Variants in CRIM1 observed in about 807,000 individuals in gnomAD.
The protein encoded by CRIM1 is cysteine rich transmembrane BMP regulator 1.
In CRIM1, 32 loss-of-function variants were observed where a neutral mutation model predicts 116.4. The observed-to-expected ratio is 0.27, with a 90% CI of 0.21 to 0.37. The LOEUF (loss-of-function observed/expected upper bound fraction) is 0.37. CRIM1 is among the 10% of genes least tolerant of loss of function. CRIM1 has a pLI of 1.00. For missense variants in CRIM1, 1,331 were observed against 1,354.8 expected, an observed-to-expected ratio of 0.98 and a Z score of 0.28; for synonymous variants, 590 against 509.2, an observed-to-expected ratio of 1.16 and a Z score of -2.13.
intron 4 of CRIM1, among the ~76,000 whole-genome samples, chr2:36,450,484 C>CT (rs1330613702): frequency 6.6e-6 from 1 of 152,196 alleles, no homozygotes; most frequent in Non-Finnish European, 1.5e-5. Context: ...CTTTTCCTAA[C>CT]TTTATGATTG....
chr2:36,487,286 C>T (rs848541), intron 7 of CRIM1, among the ~76,000 whole-genome samples: 66,887 of 151,948 alleles, frequency 0.44, 17,236 homozygotes, highest in African/African-American at 0.71. Context: ...TTCCCACCAA[C>T]ACAAGGTCCC....
chr2:36,509,823 A>C (rs1681689915), intron 8 of CRIM1, among the ~76,000 whole-genome samples, 160 bp from the exon 9 acceptor site: 1 of 152,228 alleles, frequency 6.6e-6, no homozygotes, highest in Non-Finnish European at 1.5e-5. Flanking sequence ...ATAACCATGA[A>C]ATAGCACAGT....
chr2:36,522,905 C>G (rs1045002787), intron 13 of CRIM1, among the ~76,000 whole-genome samples: 1 of 151,530 alleles, frequency 6.6e-6, no homozygotes. Context: ...TTGGCCAGTT[C>G]AGGGTTTTCA....
chr2:36,446,708 A>C (rs1314637734), intron 4 of CRIM1, among the ~76,000 whole-genome samples: 1 of 152,118 alleles, frequency 6.6e-6, no homozygotes, highest in Non-Finnish European at 1.5e-5. Flanking sequence ...TTCTGTTGGC[A>C]TGAAGACATG....
chr2:36,430,079 C>T (rs981218405), intron 2 of CRIM1, among the ~76,000 whole-genome samples: 15 of 152,162 alleles, frequency 9.9e-5, no homozygotes, highest in African/African-American at 3.4e-4. Context: ...CAGCACATCC[C>T]GTCAGCCAGA....
chr2:36,488,277 G>C (rs1679978972), intron 7 of CRIM1, among the ~76,000 whole-genome samples: 1 of 152,200 alleles, frequency 6.6e-6, no homozygotes, highest in South Asian at 2.1e-4. Context: ...GGTTCAAAGA[G>C]GGGAAATGTC....
chr2:36,475,096 A>G (rs952198479), intron 5 of CRIM1, among the ~76,000 whole-genome samples: 1 of 152,150 alleles, frequency 6.6e-6, no homozygotes, highest in Non-Finnish European at 1.5e-5. Context: ...TTGCATTTTC[A>G]TATGAATTTT....
At chr2:36,515,226 T>G (rs1182131308) in intron 11 of CRIM1, among the ~76,000 whole-genome samples, 1 of 152,146 alleles carries the variant, frequency 6.6e-6, no homozygotes, top group Non-Finnish European at 1.5e-5. Flanking sequence ...AACAGCTAGA[T>G]TGGTAGAAAT....
intron 1 of CRIM1, among the ~76,000 whole-genome samples, chr2:36,357,060 G>A (rs1384248277): frequency 6.6e-6 from 1 of 152,190 alleles, no homozygotes; most frequent in Non-Finnish European, 1.5e-5. Context: ...CCGCACGCCG[G>A]CCGCGAAAGT....
Position 36,392,817 on chromosome 2 carries a change from G to C in CRIM1, c.332-3797G>C, listed in dbSNP as rs145002008. Among the ~76,000 whole-genome samples the C allele has an allele frequency of 2.7e-3, 417 of 152,208 alleles. 1 individual carries two copies. Among genetic ancestry groups the C allele is most frequent in the African/African-American group, 9.3e-3 (386 of 41,544 alleles). On this transcript the variant is annotated intron_variant, in intron 1 of 16. Coordinates refer to ENST00000280527, the MANE Select transcript of CRIM1 (RefSeq NM_016441.3). ...ATTGATTAGGAGCGGGCAGAGAATT[G>C]AAAGAGTTTACTCTCAAAAAAAAGA...
chr2:36,422,615 A>G (rs1674154751), intron 2 of CRIM1, among the ~76,000 whole-genome samples: 1 of 152,206 alleles, frequency 6.6e-6, no homozygotes, highest in African/African-American at 2.4e-5. Flanking sequence ...TGATAGTGTT[A>G]TGATACTATG....
chr2:36,500,303 G>A (rs1357080250), intron 8 of CRIM1, among the ~76,000 whole-genome samples: 1 of 152,222 alleles, frequency 6.6e-6, no homozygotes, highest in Non-Finnish European at 1.5e-5. Flanking sequence ...CTGCACTCCA[G>A]CCTGGATGAC....
intron 1 of CRIM1, among the ~76,000 whole-genome samples, chr2:36,385,128 T>C (rs941175216): frequency 3.9e-5 from 6 of 151,948 alleles, no homozygotes; most frequent in Non-Finnish European, 7.4e-5. Flanking sequence ...AGGCAAGATA[T>C]TTAGGGAAGA....
At chr2:36,472,731 A>G (rs1337120342) in intron 5 of CRIM1, among the ~76,000 whole-genome samples, 1 of 152,094 alleles carries the variant, frequency 6.6e-6, no homozygotes, top group Non-Finnish European at 1.5e-5. Flanking sequence ...TTTAGTTTCC[A>G]TGGATGTTCA....
chr2:36,396,552 C>G (rs760353873), intron 1 of CRIM1, 62 bp from the exon 2 acceptor site: 28 of 1,192,146 alleles, frequency 2.3e-5, no homozygotes, highest in Non-Finnish European at 3.0e-5. Context: ...CGTTTTTGCC[C>G]GCGAACAGGC....
intron 4 of CRIM1, among the ~76,000 whole-genome samples, chr2:36,443,314 T>G (rs1259652261): frequency 6.6e-6 from 1 of 152,198 alleles, no homozygotes; most frequent in African/African-American, 2.4e-5. Context: ...CCCCTAGAAC[T>G]AGTTTTTCTC....
At chr2:36,525,153 C>G (rs1051074867) in intron 13 of CRIM1, among the ~76,000 whole-genome samples, 8 of 152,178 alleles carry the variant, frequency 5.3e-5, no homozygotes, top group Admixed American at 3.3e-4. Context: ...ACTCGTTCAT[C>G]TTAATAATTT....
At chr2:36,535,199 G>A (rs1666456999) in intron 13 of CRIM1, among the ~76,000 whole-genome samples, 1 of 147,450 alleles carries the variant, frequency 6.8e-6, no homozygotes, top group Non-Finnish European at 1.5e-5. Flanking sequence ...GTAAAAAGGA[G>A]GGAAGGAAGG....
At chr2:36,377,631 G>C (rs1279647702) in intron 1 of CRIM1, among the ~76,000 whole-genome samples, 1 of 152,194 alleles carries the variant, frequency 6.6e-6, no homozygotes, top group Non-Finnish European at 1.5e-5. Flanking sequence ...CACTTGAATA[G>C]TGGCTTGTAT....
Sources: gnomAD v4.1 joint callset for allele counts (sites outside exome capture counted in the v4.1 genomes callset) on GRCh38, gnomAD v4.1.1 for gene constraint, MANE v1.5 for transcripts, NCBI Gene and HGNC (gene_info 2026-07-23, HGNC 2026-07-21) for gene names.